Variants in TBC1D19 observed in about 807,000 individuals in gnomAD.
TBC1D19 encodes the protein TBC1 domain family, member 19.
In TBC1D19, 60 loss-of-function variants were observed where a neutral mutation model predicts 89.0. The ratio of observed to expected loss-of-function variants is 0.67; its 90% CI spans 0.55 to 0.84. The LOEUF is 0.84. Ranked by LOEUF, TBC1D19 falls within the 40% of genes least tolerant of loss-of-function variation. TBC1D19 has a pLI of 0.00. For synonymous variants in TBC1D19, 189 were observed against 199.7 expected (o/e 0.95, Z 0.45); for missense variants, 500 against 610.8 (o/e 0.82, Z 1.91).
the TBC1D19 span, among the ~76,000 whole-genome samples, chr4:26,812,427 A>G: frequency 6.6e-6 from 1 of 152,180 alleles, no homozygotes; most frequent in Non-Finnish European, 1.5e-5. This position sits in a 1 kb window ranked among gnomAD's most constrained non-coding sequence, Gnocchi z 4.2. Context: ...ATTCCAAGAA[A>G]CAATTCCTCA....
chr4:26,739,250 A>G (rs1162410276), intron 16 of TBC1D19, among the ~76,000 whole-genome samples: 1 of 152,208 alleles, frequency 6.6e-6, no homozygotes, highest in Non-Finnish European at 1.5e-5. Context: ...GGGGCAGTCA[A>G]TTCTACATTC....
At chr4:26,734,629 A>G (rs1717853572) in intron 15 of TBC1D19, among the ~76,000 whole-genome samples, 1 of 152,106 alleles carries the variant, frequency 6.6e-6, no homozygotes, top group Non-Finnish European at 1.5e-5. Context: ...ATTTCTTCTA[A>G]AGCCATATCC....
At chr4:26,646,216 G>T (rs945629222) in intron 7 of TBC1D19, among the ~76,000 whole-genome samples, 10 of 151,538 alleles carry the variant, frequency 6.6e-5, no homozygotes, top group Non-Finnish European at 1.5e-4. Flanking sequence ...ATGAAAAAAT[G>T]CTCACCATCA....
chr4:26,659,548 A>G (rs1237006449), intron 7 of TBC1D19, 49 bp from the exon 8 acceptor site: 2 of 1,269,210 alleles, frequency 1.6e-6, no homozygotes, highest in Non-Finnish European at 2.3e-6. Context: ...TTATAAGTGT[A>G]AACATCCTGG....
At chr4:26,663,986 A>C (rs529902093) in intron 8 of TBC1D19, among the ~76,000 whole-genome samples, 37 of 152,360 alleles carry the variant, frequency 2.4e-4, no homozygotes, top group Admixed American at 9.1e-4. Context: ...ATGTGGAGAC[A>C]GCTAGTTAGG....
intron 9 of TBC1D19, among the ~76,000 whole-genome samples, chr4:26,667,609 G>T (rs12331579): frequency 1.3e-5 from 2 of 152,132 alleles, no homozygotes; most frequent in African/African-American, 4.8e-5. Context: ...ATAAATATTT[G>T]GGAAGTTGCA....
the TBC1D19 span, among the ~76,000 whole-genome samples, chr4:26,784,093 C>T: frequency 2.0e-5 from 3 of 152,176 alleles, no homozygotes; most frequent in African/African-American, 7.2e-5. Flanking sequence ...CACTCAATGG[C>T]TTTGGCTTCA....
chr4:26,763,093 G>A, the TBC1D19 span, among the ~76,000 whole-genome samples: 1 of 152,120 alleles, frequency 6.6e-6, no homozygotes, highest in Non-Finnish European at 1.5e-5. Flanking sequence ...AATTCACATT[G>A]TTTTAATAAC....
the TBC1D19 span, among the ~76,000 whole-genome samples, chr4:26,811,640 G>T: frequency 6.6e-6 from 1 of 152,226 alleles, no homozygotes; most frequent in Non-Finnish European, 1.5e-5. Context: ...ATAAAGAATG[G>T]CTACTCCATA....
chr4:26,584,365 C>A, intron 1 of TBC1D19, 73 bp downstream of exon 1: 1 of 1,429,642 alleles, frequency 7.0e-7, no homozygotes, highest in Non-Finnish European at 9.7e-7. Context: ...CCCTCCTCAC[C>A]CAAGCCAGAG....
the TBC1D19 span, among the ~76,000 whole-genome samples, chr4:26,808,727 C>CAAAAAAAAA: frequency 1.1e-5 from 1 of 95,092 alleles, no homozygotes; most frequent in African/African-American, 4.5e-5. Flanking sequence ...GACTCTGTCT[C>CAAAAAAAAA]AAAAAAAAAA....
Position 26,662,577 on chromosome 4 carries a change from C to T in TBC1D19, c.591+2870C>T, listed in dbSNP as rs1165100025. Among the ~76,000 whole-genome samples, 8 of 152,178 alleles carry T rather than the reference C, an allele frequency of 5.3e-5. No homozygotes were observed. In the East Asian group the frequency reaches 1.5e-3, roughly 29 times the overall value. Reference sequence around the variant, plus strand: ...GTGGCTGTCCAGTGAAAAGGCTTACCAAGTACCCAGTGCCGTGAATGAAAG... The same window carrying T: ...GTGGCTGTCCAGTGAAAAGGCTTACTAAGTACCCAGTGCCGTGAATGAAAG... On this transcript the variant is annotated intron_variant, in intron 8 of 20. Coordinates refer to ENST00000264866, the MANE Select transcript of TBC1D19 (RefSeq NM_018317.4).
chr4:26,851,798 C>G, the TBC1D19 span, among the ~76,000 whole-genome samples: 1 of 152,196 alleles, frequency 6.6e-6, no homozygotes, highest in Admixed American at 6.5e-5. Flanking sequence ...CTTACTGCAA[C>G]CTCCGCCTCC....
chr4:26,834,054 G>A, the TBC1D19 span, among the ~76,000 whole-genome samples: 1 of 152,136 alleles, frequency 6.6e-6, no homozygotes, highest in Non-Finnish European at 1.5e-5. Flanking sequence ...GAGTTCTTAT[G>A]AGATCTGGTT....
intron 3 of TBC1D19, among the ~76,000 whole-genome samples, chr4:26,620,292 C>T (rs1242297949): frequency 6.6e-6 from 1 of 152,088 alleles, no homozygotes; most frequent in Non-Finnish European, 1.5e-5. Context: ...GTCTTATTAC[C>T]CTGCTTTCAT....
chr4:26,810,577 A>C, the TBC1D19 span, among the ~76,000 whole-genome samples: 1 of 152,098 alleles, frequency 6.6e-6, no homozygotes, highest in African/African-American at 2.4e-5. Context: ...TTCTCGGGAC[A>C]CATTCTGACC....
the TBC1D19 span, among the ~76,000 whole-genome samples, chr4:26,775,421 T>G: frequency 6.6e-6 from 1 of 152,106 alleles, no homozygotes; most frequent in East Asian, 1.9e-4. Context: ...GTTACCACAC[T>G]CCAGCCTGGG....
At chr4:26,709,108 CT>C (rs895521515) in intron 13 of TBC1D19, among the ~76,000 whole-genome samples, 20 of 151,804 alleles carry the variant, frequency 1.3e-4, no homozygotes, top group African/African-American at 4.6e-4. Flanking sequence ...AAATCAGATT[CT>C]TTTTCTTCCC....
At chr4:26,778,401 G>A in the TBC1D19 span, among the ~76,000 whole-genome samples, 1 of 147,644 alleles carries the variant, frequency 6.8e-6, no homozygotes, top group African/African-American at 2.5e-5. Flanking sequence ...GGACAACAGA[G>A]TGAGACTCCA....
Sources: gnomAD v4.1 joint callset for allele counts (sites outside exome capture counted in the v4.1 genomes callset) on GRCh38, gnomAD v4.1.1 for gene constraint, Gnocchi (gnomAD v3.1) non-coding constraint, MANE v1.5 for transcripts, NCBI Gene and HGNC (gene_info 2026-07-23, HGNC 2026-07-21) for gene names.